Variants in XRCC1 observed in about 807,000 individuals in gnomAD.
XRCC1 encodes X-ray repair cross complementing 1.
Under a neutral mutation model 83.3 loss-of-function variants are expected in XRCC1, and 52 were observed. That is an observed-to-expected ratio of 0.62 (90% CI 0.50 to 0.79). The LOEUF (loss-of-function observed/expected upper bound fraction) is 0.79. Ranked by LOEUF, XRCC1 falls within the 30% of genes least tolerant of loss-of-function variation. The probability of loss-of-function intolerance (pLI) is 0.00; values close to 1 mark genes in which losing one functional copy is unlikely to be tolerated. For missense variants in XRCC1, 793 were observed against 823.5 expected (o/e 0.96, Z 0.45); for synonymous variants, 281 against 312.6 (o/e 0.90, Z 1.07).
rs1443891478 is a variant in XRCC1, at chr19:43,544,254, T to A, written c.1622-20A>T. On this transcript the variant is annotated intron_variant, in intron 14 of 16. Coordinates refer to ENST00000262887, the MANE Select transcript of XRCC1 (RefSeq NM_006297.3). ...AGAAATCTGCAGGAGAGAAGGGGGC[T>A]AAGGTAAGCATGAGGCCCCAGGAGT... 1.4e-5 allele frequency: 22 copies of A among 1,592,884 alleles called. No individual in the cohort carries two copies. The Admixed American group carries it at 3.9e-4, about 28-fold the overall frequency.
At chr19:43,572,841 A>ATC (rs903904448) in intron 2 of XRCC1, among the ~76,000 whole-genome samples, 2 of 152,014 alleles carry the variant, frequency 1.3e-5, no homozygotes, top group Non-Finnish European at 2.9e-5. Flanking sequence ...GGAGTCCCTA[A>ATC]TCTCAGTGGT....
At chr19:43,567,502 G>A (rs1450862182) in intron 2 of XRCC1, among the ~76,000 whole-genome samples, 1 of 151,966 alleles carries the variant, frequency 6.6e-6, no homozygotes, top group Non-Finnish European at 1.5e-5. Flanking sequence ...AGTAGAGATG[G>A]GGTTTCACCA....
chr19:43,566,270 G>C (rs1448315505), intron 2 of XRCC1, among the ~76,000 whole-genome samples: 1 of 150,276 alleles, frequency 6.7e-6, no homozygotes, highest in African/African-American at 2.4e-5. Context: ...CGGTGGCTCA[G>C]GCCTGTAATC....
At chr19:43,561,797 G>T (rs118058025) in intron 2 of XRCC1, among the ~76,000 whole-genome samples, 15 of 152,306 alleles carry the variant, frequency 9.8e-5, no homozygotes, top group Non-Finnish European at 2.2e-4. Flanking sequence ...GTTAGGTTGA[G>T]GCAAGTGTCC....
At chr19:43,562,577 C>T (rs1189994331) in intron 2 of XRCC1, among the ~76,000 whole-genome samples, 1 of 152,102 alleles carries the variant, frequency 6.6e-6, no homozygotes, top group Non-Finnish European at 1.5e-5. Flanking sequence ...GACCTTGTCT[C>T]TACAAAAATT....
At chr19:43,548,309 G>A (rs1484444292) in intron 10 of XRCC1, among the ~76,000 whole-genome samples, 13 of 151,944 alleles carry the variant, frequency 8.6e-5, no homozygotes, top group East Asian at 1.9e-4. Flanking sequence ...CCATGATGAC[G>A]ATGGCGGTTT....
intron 4 of XRCC1, among the ~76,000 whole-genome samples, chr19:43,554,077 G>A (rs1972610812): frequency 6.6e-6 from 1 of 152,114 alleles, no homozygotes; most frequent in African/African-American, 2.4e-5. Flanking sequence ...GAGAAGTCTG[G>A]GTCCCTGCAC....
At chr19:43,575,260 T>A in intron 1 of XRCC1, 148 bp downstream of exon 1, 1 of 979,142 alleles carries the variant, frequency 1.0e-6, no homozygotes, top group African/African-American at 1.6e-5. Flanking sequence ...CGTCCCTAAT[T>A]CAACATCTCT....
At chr19:43,547,814 G>A (rs566174997) in intron 10 of XRCC1, among the ~76,000 whole-genome samples, 1 of 152,130 alleles carries the variant, frequency 6.6e-6, no homozygotes, top group Admixed American at 6.5e-5. Context: ...CCTCCCTCTT[G>A]GGGAAGAAAT....
intron 2 of XRCC1, among the ~76,000 whole-genome samples, chr19:43,562,388 G>A (rs1330199083): frequency 2.0e-5 from 3 of 152,042 alleles, no homozygotes; most frequent in Admixed American, 6.6e-5. Context: ...CTTGGGTGAC[G>A]TATTCAACGT....
chr19:43,565,593 A>G (rs1972744204), intron 2 of XRCC1, among the ~76,000 whole-genome samples: 1 of 152,186 alleles, frequency 6.6e-6, no homozygotes, highest in African/African-American at 2.4e-5. Flanking sequence ...TGCATATATA[A>G]CTATTTCTAC....
rs76309782 is a variant in XRCC1 at position 43,566,878 on chromosome 19, C to CAAA, written c.145-5861_145-5859dup. On this transcript the variant is annotated intron_variant, in intron 2 of 16. Transcript: ENST00000262887. ...TGGGCAACAGAGCAAGACTCAATCT[C>CAAA]AAAAAAAAAAAAAAAAAAAGGTTTA... Among the ~76,000 whole-genome samples the CAAA allele has an allele frequency of 1.9e-3, 190 of 98,388 alleles. 2 individuals carry two copies. The highest frequency in any genetic ancestry group is 3.7e-3 in the African/African-American group (93 of 24,800). 64.5% of individuals were successfully genotyped at this position (98,388 alleles called of 152,430 possible). A position where few individuals can be genotyped will look rare whatever the true frequency, so the allele number is the denominator to read the frequency against.
At chr19:43,546,029 C>A (rs2146042276) in intron 13 of XRCC1, 23 bp downstream of exon 13, 1 of 1,613,876 alleles carries the variant, frequency 6.2e-7, no homozygotes, top group South Asian at 1.1e-5. Flanking sequence ...CAGGGACACC[C>A]CAACCCCCAG....
intron 11 of XRCC1, 34 bp downstream of exon 11, chr19:43,546,850 T>C (rs1375870927): frequency 6.2e-7 from 1 of 1,611,222 alleles, no homozygotes; most frequent in Non-Finnish European, 8.5e-7. Context: ...ATCCTCCCAC[T>C]ACACCCTCCC....
At chr19:43,558,348 T>C (rs1222795202) in intron 3 of XRCC1, among the ~76,000 whole-genome samples, 2 of 143,772 alleles carry the variant, frequency 1.4e-5, no homozygotes, top group Non-Finnish European at 3.0e-5. Context: ...AAAAAAAGAG[T>C]AGGCCAGGTA....
chr19:43,567,213 A>C (rs1273298213), intron 2 of XRCC1, among the ~76,000 whole-genome samples: 1 of 151,724 alleles, frequency 6.6e-6, no homozygotes, highest in East Asian at 1.9e-4. Flanking sequence ...TTTTGGAGTG[A>C]TGAAAATATT....
chr19:43,565,456 C>T (rs932976017), intron 2 of XRCC1, among the ~76,000 whole-genome samples: 8 of 152,382 alleles, frequency 5.2e-5, no homozygotes, highest in African/African-American at 1.9e-4. Flanking sequence ...AATACCACCA[C>T]TGTTCTCAAC....
chr19:43,543,349 T>C lies in XRCC1; in HGVS notation c.*43A>G, dbSNP rs756561419. On this transcript the variant is annotated 3_prime_UTR_variant, in exon 17 of 17. Coordinates refer to ENST00000262887, the MANE Select transcript of XRCC1 (RefSeq NM_006297.3). ...ATCTTTATTAAATGCATCGTGTGTGTGTGTGTGTGTGTGTGTGTGTGTGTG... is the reference window on the plus strand; with the variant it reads ...ATCTTTATTAAATGCATCGTGTGTGCGTGTGTGTGTGTGTGTGTGTGTGTG... 6 of 1,062,550 alleles carry C rather than the reference T, an allele frequency of 5.6e-6. No homozygotes were observed. Among genetic ancestry groups the C allele is most frequent in the South Asian group, 1.6e-5 (1 of 64,508 alleles). The allele number at this position is 1,062,550 out of a possible 1,614,324, so 65.8% of individuals were successfully genotyped here.
rs369375944 is a variant in XRCC1, at chr19:43,575,304, C to T, written c.51+104G>A. 9.3e-5 allele frequency: 118 copies of T among 1,270,496 alleles called. 1 individual carries two copies. In the African/African-American group the frequency reaches 1.6e-3, roughly 17 times the overall value. 78.7% of individuals were successfully genotyped at this position (1,270,496 alleles called of 1,614,324 possible). A position where few individuals can be genotyped will look rare whatever the true frequency, so the allele number is the denominator to read the frequency against. On this transcript the variant is annotated intron_variant, in intron 1 of 16. Coordinates refer to ENST00000262887, the MANE Select transcript of XRCC1 (RefSeq NM_006297.3). The stretch of plus-strand genomic sequence containing the variant: ...CACTTTTAGCCTCCTGGAAATCCCC[C>T]CATGACTCTCCTTAGACTTCCAAGA...
Sources: gnomAD v4.1 joint callset for allele counts (sites outside exome capture counted in the v4.1 genomes callset) on GRCh38, gnomAD v4.1.1 for gene constraint, MANE v1.5 for transcripts, NCBI Gene and HGNC (gene_info 2026-07-23, HGNC 2026-07-21) for gene names.